The following AP1G1 variants were observed in gnomAD, a reference collection of about 807,000 sequenced individuals.
AP1G1 encodes AP-1 complex subunit gamma-1.
In AP1G1, 7 loss-of-function variants were observed where a neutral mutation model predicts 108.3. That is an observed-to-expected ratio of 0.06 (90% CI 0.04 to 0.12). The LOEUF is 0.12. Ranked by LOEUF, AP1G1 falls within the 10% of genes least tolerant of loss-of-function variation. The pLI is 1.00. For missense variants in AP1G1, 756 were observed against 1,010.7 expected (o/e 0.75, Z 3.42); for synonymous variants, 379 against 353.5 (o/e 1.07, Z -0.81).
chr16:71,772,392 G>C (rs1008374377), intron 4 of AP1G1, among the ~76,000 whole-genome samples: 1 of 152,132 alleles, frequency 6.6e-6, no homozygotes. Context: ...GCCTCCCAAA[G>C]TGCTGGGATT....
chr16:71,757,227 G>A (rs966304742), intron 11 of AP1G1, among the ~76,000 whole-genome samples: 1 of 151,820 alleles, frequency 6.6e-6, no homozygotes, highest in Non-Finnish European at 1.5e-5. Flanking sequence ...AAGGCAGGCA[G>A]ATCACCTGAG....
intron 14 of AP1G1, 108 bp downstream of exon 14, chr16:71,750,102 T>C: frequency 6.8e-7 from 1 of 1,481,288 alleles, no homozygotes. Context: ...GTGTTAGAAA[T>C]AAAGACATAC....
At chr16:71,766,569 A>T (rs552355783) in intron 6 of AP1G1, 7 of 348,100 alleles carry the variant, frequency 2.0e-5, no homozygotes, top group African/African-American at 1.3e-4. Context: ...ATTAAGTTAA[A>T]TAGTGTGCAA....
At chr16:71,742,917 G>C (rs2029938235) in intron 19 of AP1G1, 2 of 151,944 alleles carry the variant, frequency 1.3e-5, no homozygotes, top group African/African-American at 4.8e-5. Flanking sequence ...AGGTTGCAGT[G>C]AGCCGAGATC....
intron 12 of AP1G1, among the ~76,000 whole-genome samples, chr16:71,754,852 C>A (rs1298802917): frequency 6.6e-6 from 1 of 151,572 alleles, no homozygotes; most frequent in Admixed American, 6.6e-5. Flanking sequence ...CAGATGTTTC[C>A]CATAAGATTG....
chr16:71,758,853 C>T lies in AP1G1; in HGVS notation c.1043G>A (p.Ser348Asn). The change falls in exon 11 of 23, where the codon AGC (serine) becomes AAC (asparagine). Residue 348 changes from serine to asparagine, a missense_variant. Ser to Asn is a conservative substitution (Grantham distance 46). Coordinates refer to ENST00000299980, the MANE Select transcript of AP1G1 (RefSeq NM_001128.6). The stretch of plus-strand genomic sequence containing the variant: ...ATCTTTAAGACAGTCCACAATTGTG[C>T]TTCTGTGCCTCTGTACTGCATTATG... The part of the protein sequence containing the change: ...TDHNAVQRHR[S>N]TIVDCLKDLD... The T allele has an allele frequency of 6.2e-7, 1 of 1,611,400 alleles. No individual in the cohort carries two copies.
chr16:71,781,220 T>C (rs2032001822), intron 2 of AP1G1, among the ~76,000 whole-genome samples: 1 of 152,236 alleles, frequency 6.6e-6, no homozygotes, highest in Non-Finnish European at 1.5e-5. Context: ...ACTACCACTA[T>C]GTAGGCCTGA....
At chr16:71,807,684 G>C in intron 1 of AP1G1, 1 of 625,082 alleles carries the variant, frequency 1.6e-6, no homozygotes, top group Non-Finnish European at 2.5e-6. Flanking sequence ...TTTAGAATCA[G>C]TCAGCAAAGA....
At chr16:71,802,729 C>CA (rs910650122) in intron 1 of AP1G1, among the ~76,000 whole-genome samples, 8 of 148,122 alleles carry the variant, frequency 5.4e-5, no homozygotes, top group South Asian at 2.1e-4. Flanking sequence ...GACTCTGTCT[C>CA]AAAAAAAAAA....
rs375064777 is a variant in AP1G1 at position 71,750,324 on chromosome 16, A to G, written c.1293T>C (p.Ser431=). Residue 431 remains serine (S), a synonymous_variant, in exon 14 of 23, where the codon AGT becomes AGC. Transcript: ENST00000299980. ...TIMRVLTTAG[S]YVRDDAVPNL... Reference sequence around the variant, plus strand: ...TGGGGACTGCATCATCACGAACATAACTTCCTGCCTAAAAGGAAATGCAGA... The same window carrying G: ...TGGGGACTGCATCATCACGAACATAGCTTCCTGCCTAAAAGGAAATGCAGA... The G allele has an allele frequency of 3.8e-5, 62 of 1,613,786 alleles. No individual in the cohort carries two copies. In the East Asian group the frequency reaches 4.2e-4, roughly 11 times the overall value.
intron 1 of AP1G1, among the ~76,000 whole-genome samples, chr16:71,801,922 CAA>C (rs901972267): frequency 5.2e-4 from 33 of 63,738 alleles, no homozygotes; most frequent in Admixed American, 5.6e-4. Context: ...ACTCCGTAAC[CAA>C]AAAAAAAAAA....
intron 11 of AP1G1, among the ~76,000 whole-genome samples, chr16:71,758,013 A>C (rs1203883548): frequency 6.6e-6 from 1 of 152,222 alleles, no homozygotes; most frequent in Non-Finnish European, 1.5e-5. Flanking sequence ...TTTGCAAAGC[A>C]CTATATAAAA....
chr16:71,733,369 C>T (rs2145404732), intron 22 of AP1G1, among the ~76,000 whole-genome samples: 1 of 152,318 alleles, frequency 6.6e-6, no homozygotes, highest in Non-Finnish European at 1.5e-5. Context: ...TGAGAAAGCG[C>T]ATCTGCAGAA....
intron 1 of AP1G1, among the ~76,000 whole-genome samples, chr16:71,793,043 C>T (rs1377970625): frequency 2.0e-5 from 3 of 151,812 alleles, no homozygotes; most frequent in Admixed American, 6.6e-5. Context: ...GTGGCATGCA[C>T]CTGTGGTCCC....
At chr16:71,776,786 T>C (rs1308661651) in intron 2 of AP1G1, among the ~76,000 whole-genome samples, 1 of 152,080 alleles carries the variant, frequency 6.6e-6, no homozygotes, top group Non-Finnish European at 1.5e-5. Context: ...TTTTGGTTTT[T>C]TTTGCACGAC....
At position 71,736,594 on chromosome 16, in the gene AP1G1, ATTTATTTT is replaced by A. The variant is rs1163306403; in HGVS notation, c.2269-1895_2269-1888del. 3.1e-4 allele frequency among the ~76,000 whole-genome samples: 24 copies of A among 78,616 alleles called. No individual in the cohort carries two copies. In the East Asian group the frequency reaches 3.4e-3, roughly 11 times the overall value. 51.6% of individuals were successfully genotyped at this position (78,616 alleles called of 152,430 possible). A position where few individuals can be genotyped will look rare whatever the true frequency, so the allele number is the denominator to read the frequency against. On this transcript the variant is annotated intron_variant, in intron 21 of 22. Transcript: ENST00000299980. ...TATTTATTTATTTATTTATTTATTTATTTATTTTTTGAGACGAGTCTCGCTCTGTTGCC... is the reference window on the plus strand; with the variant it reads ...TATTTATTTATTTATTTATTTATTTATTGAGACGAGTCTCGCTCTGTTGCC...
At position 71,756,861 on chromosome 16, in the gene AP1G1, G is replaced by C. The variant is rs1163624901; in HGVS notation, c.1089-702C>G. Among the ~76,000 whole-genome samples, 3 of 148,144 alleles carry C rather than the reference G, an allele frequency of 2.0e-5. No homozygotes were observed. In the Admixed American group the frequency reaches 2.1e-4, roughly 10 times the overall value. On this transcript the variant is annotated intron_variant, in intron 11 of 22. Coordinates refer to ENST00000299980, the MANE Select transcript of AP1G1 (RefSeq NM_001128.6). The stretch of plus-strand genomic sequence containing the variant: ...GGAGGCTGAGGTAGGAGAATTGCTT[G>C]AACCCAGGAGACAGAGATTGCAGTG...
rs777012875 is a variant in AP1G1 at position 71,758,523 on chromosome 16, G to A, written c.1088+285C>T. The A allele has an allele frequency of 1.1e-5, 6 of 570,456 alleles. No individual in the cohort carries two copies. The East Asian group carries it at 2.6e-4, about 25-fold the overall frequency. The allele number at this position is 570,456 out of a possible 1,614,324, so 35.3% of individuals were successfully genotyped here. ...CCTCCACTAGGTAAACTTTTGCCTAGCTTATCTGTGCCTGTTGTATTTATC... is the reference window on the plus strand; with the variant it reads ...CCTCCACTAGGTAAACTTTTGCCTAACTTATCTGTGCCTGTTGTATTTATC... On this transcript the variant is annotated intron_variant, in intron 11 of 22. Coordinates refer to ENST00000299980, the MANE Select transcript of AP1G1 (RefSeq NM_001128.6).
chr16:71,736,117 A>AAAAAAAAAAATATATAT (rs1555550846), intron 21 of AP1G1, among the ~76,000 whole-genome samples: 2 of 71,622 alleles, frequency 2.8e-5, no homozygotes, highest in African/African-American at 6.2e-5. Flanking sequence ...AAAAAAAAAA[A>AAAAAAAAAAATATATAT]ATATATATAT....
Sources: allele counts gnomAD v4.1 joint callset (sites outside exome capture counted in the v4.1 genomes callset), GRCh38; gene constraint gnomAD v4.1.1; transcripts MANE v1.5; gene names NCBI Gene and HGNC (gene_info 2026-07-23, HGNC 2026-07-21).